TMC1: variants seen among roughly 807,000 people sequenced by gnomAD.
TMC1 encodes transmembrane channel like 1.
Under a neutral mutation model 105.8 loss-of-function variants are expected in TMC1, and 84 were observed. The ratio of observed to expected loss-of-function variants is 0.79; its 90% CI spans 0.67 to 0.95. TMC1 has a LOEUF of 0.95. Among genes scored for constraint, TMC1 ranks in the 40% least tolerant of loss-of-function variants. TMC1 has a pLI of 0.00. For synonymous variants in TMC1, 315 were observed against 311.5 expected (o/e 1.01, Z -0.12); for missense variants, 817 against 914.1 (o/e 0.89, Z 1.37).
At chr9:72,720,720 G>A (rs1827008030) in intron 8 of TMC1, among the ~76,000 whole-genome samples, 1 of 152,134 alleles carries the variant, frequency 6.6e-6, no homozygotes, top group Non-Finnish European at 1.5e-5. Flanking sequence ...ACCAATGGCT[G>A]GTCAAGTTAG....
At chr9:72,653,881 T>G (rs1564470340) in intron 5 of TMC1, among the ~76,000 whole-genome samples, 1 of 152,230 alleles carries the variant, frequency 6.6e-6, no homozygotes, top group Non-Finnish European at 1.5e-5. Context: ...TTAATGGAAA[T>G]GTACAGTAAG....
At chr9:72,777,559 A>G (rs1254778358) in intron 13 of TMC1, among the ~76,000 whole-genome samples, 3 of 152,230 alleles carry the variant, frequency 2.0e-5, no homozygotes, top group Non-Finnish European at 4.4e-5. Flanking sequence ...TCCTCAAACT[A>G]TAGTTGACCT....
At chr9:72,586,673 T>C (rs1215967696) in intron 2 of TMC1, among the ~76,000 whole-genome samples, 2 of 152,146 alleles carry the variant, frequency 1.3e-5, no homozygotes, top group Non-Finnish European at 2.9e-5. Flanking sequence ...CCAAAGAGGA[T>C]CATCTGGTCA....
At chr9:72,780,109 CCATCCT>C (rs1369866378) in intron 13 of TMC1, among the ~76,000 whole-genome samples, 1 of 152,162 alleles carries the variant, frequency 6.6e-6, no homozygotes, top group African/African-American at 2.4e-5. Context: ...CCTATATTCA[CCATCCT>C]AAAAGAAAAG....
intron 8 of TMC1, among the ~76,000 whole-genome samples, chr9:72,730,207 T>G (rs1288160924): frequency 2.6e-5 from 4 of 152,182 alleles, no homozygotes; most frequent in African/African-American, 4.8e-5. Context: ...TAGAGAAGGT[T>G]AGAGTAATAA....
At chr9:72,788,305 T>C (rs1290686217) in intron 13 of TMC1, 34 bp from the exon 14 acceptor site, 2 of 1,613,650 alleles carry the variant, frequency 1.2e-6, no homozygotes, top group African/African-American at 2.7e-5. Context: ...TCTCATTTTT[T>C]CTGGCTGCTG....
At chr9:72,702,212 G>A (rs1476732960) in intron 8 of TMC1, among the ~76,000 whole-genome samples, 3 of 152,084 alleles carry the variant, frequency 2.0e-5, no homozygotes, top group Non-Finnish European at 4.4e-5. Flanking sequence ...GAGCAATATT[G>A]TGAACTTCCA....
intron 13 of TMC1, among the ~76,000 whole-genome samples, chr9:72,773,853 C>G (rs1827968625): frequency 4.6e-5 from 7 of 152,152 alleles, no homozygotes; most frequent in Admixed American, 4.6e-4. Flanking sequence ...CAAATCCCAG[C>G]TCTACCATGT....
At chr9:72,560,562 G>A (rs1440500283) in intron 1 of TMC1, among the ~76,000 whole-genome samples, 4 of 151,922 alleles carry the variant, frequency 2.6e-5, no homozygotes, top group African/African-American at 7.3e-5. Flanking sequence ...GCAATGACGC[G>A]ATCTCAGCTC....
At chr9:72,548,830 A>G (rs1357109713) in intron 1 of TMC1, among the ~76,000 whole-genome samples, 3 of 152,168 alleles carry the variant, frequency 2.0e-5, no homozygotes, top group Non-Finnish European at 4.4e-5. Flanking sequence ...TAAAAAAATA[A>G]AAATAAAACC....
intron 13 of TMC1, among the ~76,000 whole-genome samples, chr9:72,778,703 C>G (rs1828043042): frequency 6.6e-6 from 1 of 152,164 alleles, no homozygotes; most frequent in Admixed American, 6.5e-5. Flanking sequence ...GCTGTCTTGC[C>G]CATGGAATGA....
intron 10 of TMC1, among the ~76,000 whole-genome samples, chr9:72,742,962 G>T (rs1028098692): frequency 3.9e-5 from 6 of 152,204 alleles, no homozygotes; most frequent in African/African-American, 1.4e-4. Context: ...TAGTCTGGGC[G>T]CAGTGGTTCA....
intron 2 of TMC1, among the ~76,000 whole-genome samples, chr9:72,607,002 T>TATAGAGAGAGAGAGAGAGAGAGAGAG (rs372785242): frequency 1.5e-5 from 2 of 134,906 alleles, no homozygotes; most frequent in Non-Finnish European, 3.1e-5. Flanking sequence ...TATATATATA[T>TATAGAGAGAGAGAGAGAGAGAGAGAG]AGAGAGAGAG....
chr9:72,627,812 T>C (rs954061476), intron 3 of TMC1, 109 bp from the exon 4 acceptor site: 6 of 340,688 alleles, frequency 1.8e-5, no homozygotes, highest in African/African-American at 1.3e-4. Context: ...GTAAATACCA[T>C]CATAGAATAT....
intron 8 of TMC1, among the ~76,000 whole-genome samples, chr9:72,709,808 AC>A (rs1340024247): frequency 2.0e-5 from 3 of 152,034 alleles, no homozygotes; most frequent in Non-Finnish European, 4.4e-5. Context: ...TTTTCGAAGA[AC>A]CAGCTTTTTG....
At chr9:72,525,045 C>T (rs1281871274) in intron 1 of TMC1, among the ~76,000 whole-genome samples, 2 of 152,108 alleles carry the variant, frequency 1.3e-5, no homozygotes, top group Non-Finnish European at 2.9e-5. Context: ...TCCAGAAGGC[C>T]GGCTTCAAGG....
At chr9:72,678,823 T>G (rs1214652742) in intron 5 of TMC1, among the ~76,000 whole-genome samples, 1 of 152,106 alleles carries the variant, frequency 6.6e-6, no homozygotes, top group Non-Finnish European at 1.5e-5. Context: ...GTAATCTTCA[T>G]GTAAAATATT....
At chr9:72,725,860 T>G (rs2117964567) in intron 8 of TMC1, among the ~76,000 whole-genome samples, 1 of 151,954 alleles carries the variant, frequency 6.6e-6, no homozygotes, top group South Asian at 2.1e-4. Flanking sequence ...CCGGCTAATT[T>G]TTTGTATTTT....
chr9:72,742,907 A>G (rs1178981673), intron 10 of TMC1, among the ~76,000 whole-genome samples: 1 of 152,232 alleles, frequency 6.6e-6, no homozygotes, highest in African/African-American at 2.4e-5. Context: ...CATGAATGTT[A>G]GACAGTAATC....
Sources: allele counts gnomAD v4.1 joint callset (sites outside exome capture counted in the v4.1 genomes callset), GRCh38; gene constraint gnomAD v4.1.1; transcripts MANE v1.5; gene names NCBI Gene and HGNC (gene_info 2026-07-23, HGNC 2026-07-21).